The following DEPTOR variants were observed in gnomAD, a reference collection of about 807,000 sequenced individuals.
DEPTOR encodes the protein DEP domain-containing mTOR-interacting protein.
In DEPTOR, 41 loss-of-function variants were observed where a neutral mutation model predicts 41.6. The observed-to-expected ratio is 0.98, with a 90% confidence interval of 0.77 to 1.28. The LOEUF is 1.28. Ranked by LOEUF, DEPTOR falls within the 50% of genes most tolerant of loss-of-function variation. DEPTOR has a pLI of 0.00. For synonymous variants in DEPTOR, 195 were observed against 192.3 expected (o/e 1.01, Z -0.12); for missense variants, 514 against 527.9 (o/e 0.97, Z 0.26).
intron 4 of DEPTOR, among the ~76,000 whole-genome samples, chr8:119,999,183 C>A (rs1000474177): frequency 6.6e-6 from 1 of 151,452 alleles, no homozygotes; most frequent in Non-Finnish European, 1.5e-5. Context: ...GCAGGAGAAT[C>A]GCTTGAACCC....
chr8:120,027,316 C>G (rs1033399504), intron 8 of DEPTOR, among the ~76,000 whole-genome samples: 1 of 151,560 alleles, frequency 6.6e-6, no homozygotes, highest in Non-Finnish European at 1.5e-5. Flanking sequence ...ATTGTATTTT[C>G]CCAACTTTCT....
At chr8:119,935,041 A>G (rs1049890620) in intron 3 of DEPTOR, among the ~76,000 whole-genome samples, 1 of 151,954 alleles carries the variant, frequency 6.6e-6, no homozygotes, top group Non-Finnish European at 1.5e-5. Context: ...TGATGTTGTC[A>G]TTTTGAGGAA....
Position 119,982,014 on chromosome 8 carries a change from T to TAAAA in DEPTOR, c.604+16627_604+16630dup, listed in dbSNP as rs35334859. 1.8e-4 allele frequency among the ~76,000 whole-genome samples: 12 copies of TAAAA among 65,678 alleles called. 2 individuals carry two copies. Among genetic ancestry groups the TAAAA allele is most frequent in the Admixed American group, 4.5e-4 (2 of 4,442 alleles). 43.1% of individuals were successfully genotyped at this position (65,678 alleles called of 152,430 possible). A position where few individuals can be genotyped will look rare whatever the true frequency, so the allele number is the denominator to read the frequency against. ...AGTCGACAGTGTGAGATTCCATCTC[T>TAAAA]AAAAAAAAAAAAAAAAAAAAAAAAA... On this transcript the variant is annotated intron_variant, in intron 4 of 8. Transcript: ENST00000286234.
rs576789875 is a variant in DEPTOR at position 119,889,663 on chromosome 8, G to A, written c.122+15695G>A. 3.4e-5 allele frequency among the ~76,000 whole-genome samples: 4 copies of A among 116,034 alleles called. No individual in the cohort carries two copies. In the South Asian group the frequency reaches 1.5e-3, roughly 44 times the overall value. 76.1% of individuals were successfully genotyped at this position (116,034 alleles called of 152,430 possible). ...AGGGGAGGGGAGGATGGGGAGGGGA[G>A]GGGAGGGGAGAGGAGGGGAGGACAG... On this transcript the variant is annotated intron_variant, in intron 1 of 8. Coordinates refer to ENST00000286234, the MANE Select transcript of DEPTOR (RefSeq NM_022783.4).
chr8:119,962,593 C>T (rs1221621083), intron 3 of DEPTOR, among the ~76,000 whole-genome samples: 1 of 152,194 alleles, frequency 6.6e-6, no homozygotes, highest in South Asian at 2.1e-4. Context: ...GAATTTTGGT[C>T]TTTATCCTAA....
chr8:119,928,743 C>CTTTTTTTTTTT (rs376801517), intron 2 of DEPTOR, among the ~76,000 whole-genome samples, 165 bp downstream of exon 2: 24 of 127,892 alleles, frequency 1.9e-4, no homozygotes, highest in Non-Finnish European at 1.9e-4. Context: ...TGGGTTCTTT[C>CTTTTTTTTTTT]TTTTTTTTTT....
At chr8:119,982,486 CAG>C (rs530049594) in intron 4 of DEPTOR, among the ~76,000 whole-genome samples, 7 of 152,160 alleles carry the variant, frequency 4.6e-5, no homozygotes, top group Non-Finnish European at 8.8e-5. Context: ...CAACAAATAA[CAG>C]AAAGTGCAGT....
At chr8:119,974,653 T>C (rs1161091589) in intron 4 of DEPTOR, among the ~76,000 whole-genome samples, 1 of 152,066 alleles carries the variant, frequency 6.6e-6, no homozygotes, top group Non-Finnish European at 1.5e-5. Flanking sequence ...GTGCCTGTAA[T>C]CCCAGTTACT....
chr8:119,963,533 T>G (rs1211996663), intron 3 of DEPTOR, among the ~76,000 whole-genome samples: 1 of 152,070 alleles, frequency 6.6e-6, no homozygotes, highest in East Asian at 1.9e-4. Flanking sequence ...GTATTTTTAA[T>G]AGAGATGGGG....
chr8:120,041,012 GA>G (rs1813059598), intron 8 of DEPTOR, among the ~76,000 whole-genome samples: 1 of 152,098 alleles, frequency 6.6e-6, no homozygotes, highest in Non-Finnish European at 1.5e-5. Context: ...TTTTCTGTCT[GA>G]GTCTTTCTCT....
chr8:120,033,507 CT>C lies in DEPTOR; in HGVS notation c.1102-16065del, dbSNP rs371003636. ...TCTGTCTGGCTCCAGAGCCCTTGGT[CT>C]TTTCATTATATCACAGCACCCTTCA... On this transcript the variant is annotated intron_variant, in intron 8 of 8. Transcript: ENST00000286234. Among the ~76,000 whole-genome samples the C allele has an allele frequency of 7.4e-3, 1,133 of 152,304 alleles. 11 individuals are homozygous for C. The highest frequency in any genetic ancestry group is 0.011 in the Non-Finnish European group (771 of 68,030).
At position 119,921,753 on chromosome 8, in the gene DEPTOR, T is replaced by TTG. The variant is rs1827897489; in HGVS notation, c.123-6646_123-6645insGT. Among the ~76,000 whole-genome samples the TTG allele has an allele frequency of 5.5e-5, 8 of 146,258 alleles. No homozygotes were observed. The South Asian group carries it at 1.8e-3, about 33-fold the overall frequency. The stretch of plus-strand genomic sequence containing the variant: ...CTGAAAGGTTCTATTCTGTAGTTTT[T>TTG]TTTTTTGTTTGTTTGTTTGTTTTTT... On this transcript the variant is annotated intron_variant, in intron 1 of 8. Transcript: ENST00000286234.
At chr8:119,987,752 A>G (rs190238963) in intron 4 of DEPTOR, among the ~76,000 whole-genome samples, 1 of 152,208 alleles carries the variant, frequency 6.6e-6, no homozygotes, top group Admixed American at 6.5e-5. Context: ...CCTGGCTACA[A>G]TGGGTTTGCA....
At chr8:119,882,039 C>A (rs1156493680) in intron 1 of DEPTOR, among the ~76,000 whole-genome samples, 1 of 152,088 alleles carries the variant, frequency 6.6e-6, no homozygotes, top group Non-Finnish European at 1.5e-5. Context: ...TACAGGCAAG[C>A]GCCACCACGC....
intron 8 of DEPTOR, among the ~76,000 whole-genome samples, chr8:120,040,782 C>T (rs896603488): frequency 2.6e-5 from 4 of 152,184 alleles, no homozygotes; most frequent in Admixed American, 6.5e-5. Flanking sequence ...CTAGTAGGGA[C>T]GTGTAGGAAA....
chr8:119,907,654 G>A (rs150025393), intron 1 of DEPTOR, among the ~76,000 whole-genome samples: 1,703 of 152,232 alleles, frequency 0.011, 31 homozygotes, highest in African/African-American at 0.039. Flanking sequence ...TTAGCGGGGC[G>A]TGGTGGCGCA....
chr8:119,952,651 C>T (rs1008824074), intron 3 of DEPTOR, among the ~76,000 whole-genome samples: 16 of 152,200 alleles, frequency 1.1e-4, no homozygotes, highest in Admixed American at 2.0e-4. Context: ...GTTCAGTTCC[C>T]ACTGATGAGT....
chr8:120,032,154 G>C (rs7845541), intron 8 of DEPTOR, among the ~76,000 whole-genome samples: 120,096 of 150,916 alleles, frequency 0.8, 47,835 homozygotes, highest in African/African-American at 0.83. Flanking sequence ...GAGCCCTCAG[G>C]AAGCACTTCA....
chr8:119,972,622 CAAAAAAAAA>C (rs59750717), intron 4 of DEPTOR, among the ~76,000 whole-genome samples: 2 of 138,344 alleles, frequency 1.4e-5, no homozygotes, highest in Non-Finnish European at 3.1e-5. Context: ...GACTCTGTCT[CAAAAAAAAA>C]AAAAAAAAAA....
Sources: allele counts gnomAD v4.1 joint callset (sites outside exome capture counted in the v4.1 genomes callset), GRCh38; gene constraint gnomAD v4.1.1; transcripts MANE v1.5; gene names NCBI Gene and HGNC (gene_info 2026-07-23, HGNC 2026-07-21).